Variants in ST3GAL6 observed in about 807,000 individuals in gnomAD.
The protein encoded by ST3GAL6 is ST3 beta-galactoside alpha-2,3-sialyltransferase 6.
In ST3GAL6, 31 loss-of-function variants were observed where a neutral mutation model predicts 40.5. That is an observed-to-expected ratio of 0.77 (90% confidence interval 0.58 to 1.03). The LOEUF is 1.03. Ranked by LOEUF, ST3GAL6 falls within the 50% of genes least tolerant of loss-of-function variation. The probability of loss-of-function intolerance (pLI) is 0.00; values close to 1 mark genes in which losing one functional copy is unlikely to be tolerated. For missense variants in ST3GAL6, 357 were observed against 393.2 expected, an observed-to-expected ratio of 0.91 and a Z score of 0.78; for synonymous variants, 129 against 136.9, an observed-to-expected ratio of 0.94 and a Z score of 0.40.
At chr3:98,772,128 GTATTTATGCAAGAT>G (rs1939064460) in intron 3 of ST3GAL6, 1 of 142,316 alleles carries the variant, frequency 7.0e-6, no homozygotes, top group Non-Finnish European at 1.6e-5. Context: ...AAGGGTTAAA[GTATTTATGCAAGAT>G]TATTCAGCAA....
chr3:98,745,892 G>A (rs1176312005), intron 1 of ST3GAL6, among the ~76,000 whole-genome samples: 1 of 152,132 alleles, frequency 6.6e-6, no homozygotes, highest in Non-Finnish European at 1.5e-5. Flanking sequence ...TGTATGTTAT[G>A]TTTTATTGTC....
At chr3:98,784,664 A>G (rs762016152) in intron 5 of ST3GAL6, 7 of 299,714 alleles carry the variant, frequency 2.3e-5, no homozygotes, top group Admixed American at 4.6e-5. Flanking sequence ...TACTGGGAAT[A>G]TCAGGCTTAC....
rs1201386906 is a variant in ST3GAL6, at chr3:98,770,744, G to A, written c.90-135G>A. On this transcript the variant is annotated intron_variant, in intron 2 of 9. Coordinates refer to ENST00000483910, the MANE Select transcript of ST3GAL6 (RefSeq NM_001323368.2). ...TGGAGAAGGTACTGGCAGACCTCAA[G>A]AGGTGCAGGGAGTATTTTTGTTTGC... 5.8e-6 allele frequency: 4 copies of A among 686,038 alleles called. No individual in the cohort carries two copies. The Admixed American group carries it at 9.6e-5, about 16-fold the overall frequency. The allele number at this position is 686,038 out of a possible 1,614,324, so 42.5% of individuals were successfully genotyped here. A position where few individuals can be genotyped will look rare whatever the true frequency, so the allele number is the denominator to read the frequency against.
At chr3:98,762,762 A>C (rs1261756994), upstream of ST3GAL6, 1 of 984,310 alleles carries the variant, frequency 1.0e-6, no homozygotes, top group Admixed American at 6.1e-5. Flanking sequence ...CACAATTTCA[A>C]AGTGTGGGCT....
chr3:98,766,047 T>C (rs1938286961), intron 1 of ST3GAL6, among the ~76,000 whole-genome samples: 1 of 152,208 alleles, frequency 6.6e-6, no homozygotes, highest in African/African-American at 2.4e-5. Flanking sequence ...GATAGTGCCT[T>C]AACTTCCTAA....
chr3:98,747,920 A>G (rs976941080), intron 1 of ST3GAL6, among the ~76,000 whole-genome samples: 1 of 152,134 alleles, frequency 6.6e-6, no homozygotes, highest in Non-Finnish European at 1.5e-5. Flanking sequence ...GGGACCATAA[A>G]TCTAGTTTAA....
intron 6 of ST3GAL6, among the ~76,000 whole-genome samples, chr3:98,785,254 A>G (rs1940586792): frequency 6.6e-6 from 1 of 152,208 alleles, no homozygotes; most frequent in South Asian, 2.1e-4. Context: ...GTGTGCTAGC[A>G]TGCTTCTAGC....
chr3:98,767,509 A>G (rs1379070604), intron 1 of ST3GAL6, among the ~76,000 whole-genome samples: 3 of 152,246 alleles, frequency 2.0e-5, no homozygotes, highest in Admixed American at 2.0e-4. Context: ...TGGCACATGC[A>G]GTTGTTTAGA....
At chr3:98,769,160 G>C (rs1163206947) in intron 2 of ST3GAL6, among the ~76,000 whole-genome samples, 6 of 152,172 alleles carry the variant, frequency 3.9e-5, no homozygotes, top group African/African-American at 1.4e-4. Flanking sequence ...TCCTGTCTTA[G>C]ACAAAGAGTC....
chr3:98,767,294 T>G (rs934698611), intron 1 of ST3GAL6, among the ~76,000 whole-genome samples: 4 of 152,228 alleles, frequency 2.6e-5, no homozygotes, highest in Admixed American at 2.6e-4. Context: ...GACCCCATAT[T>G]ATCAAGAAAA....
chr3:98,747,785 T>A (rs557610802), intron 1 of ST3GAL6, among the ~76,000 whole-genome samples: 1 of 152,294 alleles, frequency 6.6e-6, no homozygotes, highest in South Asian at 2.1e-4. Flanking sequence ...GAAAACAATA[T>A]CATATACTCT....
intron 6 of ST3GAL6, among the ~76,000 whole-genome samples, chr3:98,786,912 A>G (rs1023434731): frequency 1.3e-5 from 2 of 150,984 alleles, no homozygotes; most frequent in African/African-American, 4.9e-5. Context: ...TTCTATCTCT[A>G]TTTTTTTAGT....
intron 8 of ST3GAL6, 64 bp from the exon 9 acceptor site, chr3:98,791,772 CAACCA>C: frequency 1.4e-6 from 2 of 1,395,438 alleles, no homozygotes; most frequent in Non-Finnish European, 2.0e-6. Context: ...ATGATTCAGC[CAACCA>C]AATATGCTTT....
Position 98,785,146 on chromosome 3 carries a change from T to C in ST3GAL6, c.431+106T>C, listed in dbSNP as rs1940575732. 4.7e-6 allele frequency: 3 copies of C among 641,862 alleles called. No homozygotes were observed. The East Asian group carries it at 1.0e-4, about 22-fold the overall frequency. The allele number at this position is 641,862 out of a possible 1,614,324, so 39.8% of individuals were successfully genotyped here. The stretch of plus-strand genomic sequence containing the variant: ...AGGAAGGGGAGATGTTTCCATTTGG[T>C]TTTTTTTTTATTGCACAACCTTCTC... On this transcript the variant is annotated intron_variant, in intron 6 of 9. Transcript: ENST00000483910.
chr3:98,788,133 C>A lies in ST3GAL6; in HGVS notation c.529C>A (p.His177Asn). The A allele has an allele frequency of 6.2e-7, 1 of 1,614,032 alleles. No homozygotes were observed. Among genetic ancestry groups the A allele is most frequent in the South Asian group, 1.1e-5 (1 of 91,070 alleles). ...AGAATCTGTTTTTTCAGATCCTATT[C>A]ACAATGACCCTAATACGACAGTGAT... ...YPESVFSDPI[H>N]NDPNTTVILT... The change falls in exon 7 of 10, where the codon CAC (histidine) becomes AAC (asparagine). Residue 177 changes from histidine (H) to asparagine (N), a missense_variant. Transcript: ENST00000483910.
intron 9 of ST3GAL6, among the ~76,000 whole-genome samples, chr3:98,792,534 TCTCA>T (rs1419947395): frequency 2.7e-5 from 4 of 148,702 alleles, no homozygotes; most frequent in African/African-American, 1.0e-4. Flanking sequence ...TTTTTGAGAG[TCTCA>T]CTCTGTCACC....
At chr3:98,754,758 A>G (rs1397758022) in intron 1 of ST3GAL6, among the ~76,000 whole-genome samples, 1 of 152,262 alleles carries the variant, frequency 6.6e-6, no homozygotes, top group Non-Finnish European at 1.5e-5. Context: ...AGTAGCCATA[A>G]GCACTGAGTC....
In ST3GAL6 at chr3:98,793,963, A is replaced by C; in HGVS notation, c.*202A>C. 5.3e-6 allele frequency: 2 copies of C among 377,022 alleles called. No homozygotes were observed. Among genetic ancestry groups the C allele is most frequent in the Non-Finnish European group, 9.4e-6 (2 of 211,838 alleles). The allele number at this position is 377,022 out of a possible 1,614,324, so 23.4% of individuals were successfully genotyped here. A position where few individuals can be genotyped will look rare whatever the true frequency, so the allele number is the denominator to read the frequency against. On this transcript the variant is annotated 3_prime_UTR_variant, in exon 10 of 10. Coordinates refer to ENST00000483910, the MANE Select transcript of ST3GAL6 (RefSeq NM_001323368.2). ...ACCAAGAAATGTAAAGATAACAGGA[A>C]AATAAGTTTTGATTGCATTGTTTTT... is the stretch of plus-strand genomic sequence containing the variant.
chr3:98,770,176 A>G (rs922273527), intron 2 of ST3GAL6, among the ~76,000 whole-genome samples: 1 of 152,226 alleles, frequency 6.6e-6, no homozygotes, highest in Non-Finnish European at 1.5e-5. Context: ...ACTGATGATC[A>G]TTAATAAGTT....
Sources: allele counts gnomAD v4.1 joint callset (sites outside exome capture counted in the v4.1 genomes callset), GRCh38; gene constraint gnomAD v4.1.1; transcripts MANE v1.5; gene names NCBI Gene and HGNC (gene_info 2026-07-23, HGNC 2026-07-21).